The following ADAMTS6 variants were observed in gnomAD, a reference collection of about 807,000 sequenced individuals.
The protein encoded by ADAMTS6 is A disintegrin and metalloproteinase with thrombospondin motifs 6.
In ADAMTS6, 23 loss-of-function variants were observed where a neutral mutation model predicts 144.3. That is an observed-to-expected ratio of 0.16 (90% CI 0.11 to 0.23). The LOEUF (loss-of-function observed/expected upper bound fraction) is 0.23, where lower values mean the gene tolerates loss of function less well. Ranked by LOEUF, ADAMTS6 falls within the 10% of genes least tolerant of loss-of-function variation. The pLI, the probability that ADAMTS6 is intolerant of heterozygous loss-of-function variation, is 1.00. For missense variants in ADAMTS6, 999 were observed against 1,379.6 expected (o/e 0.72, Z 4.37); for synonymous variants, 444 against 457.5 (o/e 0.97, Z 0.38).
rs1367469799 is a variant in ADAMTS6 at position 65,473,755 on chromosome 5, T to C, written c.-82A>G. The C allele has an allele frequency of 1.9e-6, 2 of 1,072,566 alleles. No homozygotes were observed. Among genetic ancestry groups the C allele is most frequent in the Non-Finnish European group, 2.8e-6 (2 of 711,248 alleles). The allele number at this position is 1,072,566 out of a possible 1,614,324, so 66.4% of individuals were successfully genotyped here. A position where few individuals can be genotyped will look rare whatever the true frequency, so the allele number is the denominator to read the frequency against. ...CCATACCAAAATCGAAGCATAACAA[T>C]TTTATTTCTTTAAAACTTCTTGCAA... On this transcript the variant is annotated 5_prime_UTR_variant, in exon 2 of 25. Coordinates refer to ENST00000381055, the MANE Select transcript of ADAMTS6 (RefSeq NM_197941.4).
At chr5:65,256,960 T>TC (rs55815145) in intron 14 of ADAMTS6, among the ~76,000 whole-genome samples, 8,888 of 136,120 alleles carry the variant, frequency 0.065, 435 homozygotes, top group Non-Finnish European at 0.1. Context: ...AGGGTCACTT[T>TC]TTCTCTCTCT....
chr5:65,254,138 C>A (rs138294041), intron 14 of ADAMTS6, among the ~76,000 whole-genome samples: 6 of 152,038 alleles, frequency 3.9e-5, no homozygotes, highest in Non-Finnish European at 8.8e-5. Flanking sequence ...AGCCACCACG[C>A]CCGGCCACAT....
intron 22 of ADAMTS6, among the ~76,000 whole-genome samples, chr5:65,174,506 C>T (rs983106395): frequency 9.2e-5 from 14 of 152,306 alleles, no homozygotes; most frequent in Admixed American, 5.9e-4. Flanking sequence ...GGACGATCAA[C>T]GCAGTGGCTG....
chr5:65,437,829 GT>G (rs1757560209), intron 7 of ADAMTS6, among the ~76,000 whole-genome samples: 2 of 152,000 alleles, frequency 1.3e-5, no homozygotes, highest in East Asian at 3.9e-4. Context: ...TTTATTGCGG[GT>G]TTTTCCATGG....
At chr5:65,168,311 G>C (rs1753341318) in intron 24 of ADAMTS6, among the ~76,000 whole-genome samples, 1 of 152,022 alleles carries the variant, frequency 6.6e-6, no homozygotes, top group Non-Finnish European at 1.5e-5. Flanking sequence ...AAAATACCTA[G>C]GAATGCAACT....
intron 7 of ADAMTS6, among the ~76,000 whole-genome samples, chr5:65,345,233 A>G (rs1414937786): frequency 3.3e-5 from 5 of 151,662 alleles, no homozygotes; most frequent in Non-Finnish European, 5.9e-5. Context: ...TAACCTTCCA[A>G]TTTCCACTCC....
chr5:65,275,141 G>A (rs1762358611), intron 11 of ADAMTS6, among the ~76,000 whole-genome samples: 1 of 141,832 alleles, frequency 7.1e-6, no homozygotes. Flanking sequence ...GATCGCTTGA[G>A]CCCAAGAGTT....
At chr5:65,170,852 A>G (rs1753574195) in intron 23 of ADAMTS6, 79 bp from the exon 24 acceptor site, 1 of 1,449,636 alleles carries the variant, frequency 6.9e-7, no homozygotes, top group East Asian at 2.3e-5. Flanking sequence ...TGTCATTTCA[A>G]ATACAACACA....
chr5:65,441,825 C>A, intron 7 of ADAMTS6, among the ~76,000 whole-genome samples: 6 of 135,572 alleles, frequency 4.4e-5, no homozygotes, highest in South Asian at 2.3e-4. Flanking sequence ...CTAAGTAAGC[C>A]ATGGGTCAAA....
intron 21 of ADAMTS6, among the ~76,000 whole-genome samples, chr5:65,191,765 G>A (rs758308644): frequency 5.3e-5 from 8 of 152,016 alleles, no homozygotes; most frequent in Non-Finnish European, 8.8e-5. Flanking sequence ...AACACTGTAT[G>A]CCCTAAACAT....
chr5:65,392,310 C>G (rs541855696), intron 7 of ADAMTS6, among the ~76,000 whole-genome samples: 1 of 151,944 alleles, frequency 6.6e-6, no homozygotes, highest in African/African-American at 2.4e-5. Flanking sequence ...AATCAAATAC[C>G]CTGCTCCTCA....
At chr5:65,353,458 T>C (rs1749043477) in intron 7 of ADAMTS6, among the ~76,000 whole-genome samples, 1 of 152,128 alleles carries the variant, frequency 6.6e-6, no homozygotes, top group African/African-American at 2.4e-5. Context: ...TGAAAACTTT[T>C]ACTTTTGGAA....
intron 7 of ADAMTS6, among the ~76,000 whole-genome samples, chr5:65,419,447 C>A (rs1755826536): frequency 6.6e-6 from 1 of 152,116 alleles, no homozygotes; most frequent in Non-Finnish European, 1.5e-5. Flanking sequence ...CTATTGGACA[C>A]TATGTTCACT....
chr5:65,154,820 T>A (rs780742513), intron 24 of ADAMTS6, among the ~76,000 whole-genome samples: 9 of 152,236 alleles, frequency 5.9e-5, no homozygotes, highest in Non-Finnish European at 1.0e-4. Flanking sequence ...TATCATGTAT[T>A]ATTTCTCTGG....
chr5:65,239,857 C>G (rs1266203279), intron 15 of ADAMTS6, among the ~76,000 whole-genome samples: 1 of 152,150 alleles, frequency 6.6e-6, no homozygotes, highest in Admixed American at 6.5e-5. Flanking sequence ...CAAATATTGA[C>G]AAGGATGCAC....
chr5:65,412,208 A>G (rs1755109812), intron 7 of ADAMTS6, among the ~76,000 whole-genome samples: 1 of 152,212 alleles, frequency 6.6e-6, no homozygotes, highest in Admixed American at 6.5e-5. Context: ...GGAAGAATAT[A>G]CATTTTTAAA....
At chr5:65,445,626 C>T (rs895592553) in intron 7 of ADAMTS6, among the ~76,000 whole-genome samples, 3 of 152,044 alleles carry the variant, frequency 2.0e-5, no homozygotes, top group Non-Finnish European at 4.4e-5. Context: ...ACAGGCATGA[C>T]CCATCACACA....
chr5:65,388,909 A>G (rs1752683666), intron 7 of ADAMTS6, among the ~76,000 whole-genome samples: 1 of 152,198 alleles, frequency 6.6e-6, no homozygotes. Context: ...ACAATGCTAT[A>G]GAAATGAAGG....
chr5:65,258,655 T>C (rs1300433170), intron 14 of ADAMTS6, among the ~76,000 whole-genome samples: 1 of 152,144 alleles, frequency 6.6e-6, no homozygotes, highest in Admixed American at 6.5e-5. Context: ...GCACCTACCA[T>C]ATACTTTGAA....
Sources: gnomAD v4.1 joint callset for allele counts (sites outside exome capture counted in the v4.1 genomes callset) on GRCh38, gnomAD v4.1.1 for gene constraint, MANE v1.5 for transcripts, NCBI Gene and HGNC (gene_info 2026-07-23, HGNC 2026-07-21) for gene names.